Variants in ACSM2B observed in about 807,000 individuals in gnomAD.
ACSM2B encodes acyl-coenzyme A synthetase ACSM2B, mitochondrial.
Under a neutral mutation model 78.6 loss-of-function variants are expected in ACSM2B, and 58 were observed. That is an observed-to-expected ratio of 0.74 (90% CI 0.60 to 0.92). The LOEUF (loss-of-function observed/expected upper bound fraction) is 0.92, where lower values mean the gene tolerates loss of function less well. ACSM2B is among the 40% of genes least tolerant of loss of function. ACSM2B has a pLI of 0.00. For missense variants in ACSM2B, 688 were observed against 711.2 expected, an observed-to-expected ratio of 0.97 and a Z score of 0.37; for synonymous variants, 257 against 256.8, an observed-to-expected ratio of 1.00 and a Z score of -0.01.
chr16:20,561,325 G>C (rs1443504778), intron 2 of ACSM2B, among the ~76,000 whole-genome samples: 1 of 151,404 alleles, frequency 6.6e-6, no homozygotes, highest in East Asian at 2.0e-4. Context: ...CAGGAAGCAT[G>C]GTGCTGGCAT....
intron 1 of ACSM2B, among the ~76,000 whole-genome samples, chr16:20,565,498 T>C (rs1438210412): frequency 3.9e-5 from 6 of 152,166 alleles, no homozygotes; most frequent in Non-Finnish European, 1.5e-5. Context: ...AAAATATGCA[T>C]GACTAAAAGC....
chr16:20,547,603 G>T, intron 8 of ACSM2B: 3 of 998,068 alleles, frequency 3.0e-6, no homozygotes, highest in South Asian at 8.6e-5. Flanking sequence ...GTCAGGAGGT[G>T]CAGTAAAGCC....
intron 1 of ACSM2B, chr16:20,574,634 G>T (rs1343122357): frequency 1.3e-5 from 2 of 150,082 alleles, no homozygotes; most frequent in Non-Finnish European, 2.9e-5. Context: ...TCCATTCAGG[G>T]TCCCTGACTT....
chr16:20,550,209 T>G (rs2015267745), intron 6 of ACSM2B, among the ~76,000 whole-genome samples: 1 of 152,076 alleles, frequency 6.6e-6, no homozygotes, highest in African/African-American at 2.4e-5. Context: ...TCATGAGTTT[T>G]GGGGGGCACA....
intron 1 of ACSM2B, among the ~76,000 whole-genome samples, chr16:20,565,245 G>C (rs2015789515): frequency 6.6e-6 from 1 of 152,122 alleles, no homozygotes. Flanking sequence ...AGTGCATTTA[G>C]GAGGAAGAAT....
At chr16:20,544,225 C>A (rs905650346) in intron 10 of ACSM2B, among the ~76,000 whole-genome samples, 2 of 152,176 alleles carry the variant, frequency 1.3e-5, no homozygotes, top group African/African-American at 4.8e-5. Context: ...CTCAGTTTTC[C>A]TCATCTGTAT....
chr16:20,537,537 G>A (rs895057976), intron 13 of ACSM2B, among the ~76,000 whole-genome samples, 175 bp from the exon 14 acceptor site: 3 of 152,146 alleles, frequency 2.0e-5, no homozygotes, highest in African/African-American at 7.2e-5. Context: ...TAAGAGGATG[G>A]CTAGAATTGG....
At chr16:20,575,037 T>C (rs901485674) in intron 1 of ACSM2B, among the ~76,000 whole-genome samples, 2 of 150,898 alleles carry the variant, frequency 1.3e-5, no homozygotes, top group Non-Finnish European at 2.9e-5. Context: ...GTCAAATGCA[T>C]TTATTTTGTA....
chr16:20,550,403 A>T (rs1161020140), intron 6 of ACSM2B, among the ~76,000 whole-genome samples: 4 of 151,970 alleles, frequency 2.6e-5, no homozygotes, highest in African/African-American at 9.7e-5. Context: ...CATTTGCTAT[A>T]TTTCTCCTTA....
chr16:20,569,863 T>G (rs909010167), intron 1 of ACSM2B, among the ~76,000 whole-genome samples: 18 of 152,032 alleles, frequency 1.2e-4, no homozygotes, highest in African/African-American at 4.3e-4. Context: ...CTCAGCTTGG[T>G]TGCTATTAAA....
At chr16:20,548,019 C>A in intron 8 of ACSM2B, 43 bp downstream of exon 8, 1 of 1,604,578 alleles carries the variant, frequency 6.2e-7, no homozygotes, top group Non-Finnish European at 8.5e-7. Flanking sequence ...ATTTTGAAGC[C>A]CAAAAAGTGC....
intron 3 of ACSM2B, 118 bp from the exon 4 acceptor site, chr16:20,555,594 C>G: frequency 6.6e-7 from 1 of 1,509,142 alleles, no homozygotes; most frequent in Non-Finnish European, 8.8e-7. Context: ...GAAGTAATGA[C>G]CAATGGAGAA....
In ACSM2B at chr16:20,563,220, C is replaced by A. The variant is rs371093278; in HGVS notation, c.177+1449G>T. Among the ~76,000 whole-genome samples the A allele has an allele frequency of 1.2e-3, 176 of 152,244 alleles. 5 individuals are homozygous for A. In the South Asian group the frequency reaches 0.035, roughly 30 times the overall value. On this transcript the variant is annotated intron_variant, in intron 2 of 13. Transcript: ENST00000329697. ...GCAAAAAAGTTATTTCAGTAAAATT[C>A]TCACTTGCATTACTCTTATTATGAG...
intron 10 of ACSM2B, among the ~76,000 whole-genome samples, chr16:20,544,303 G>T (rs1230872702): frequency 6.6e-6 from 1 of 152,154 alleles, no homozygotes; most frequent in Non-Finnish European, 1.5e-5. Flanking sequence ...ACAACTTACA[G>T]ATGAGGAAAC....
At position 20,555,485 on chromosome 16, in the gene ACSM2B, G is replaced by A. The variant is rs368213752; in HGVS notation, c.389-9C>T. The stretch of plus-strand genomic sequence containing the variant: ...AGGCATAAAGATGAGACCTAAAGAA[G>A]CCAACAATTTAGAGAATTGGAAAGG... On this transcript the variant is annotated splice_polypyrimidine_tract_variant and intron_variant, in intron 3 of 13. Coordinates refer to ENST00000329697, the MANE Select transcript of ACSM2B (RefSeq NM_001105069.2). 2 of 1,611,224 alleles carry A rather than the reference G, an allele frequency of 1.2e-6. No individual in the cohort carries two copies. Among genetic ancestry groups the A allele is most frequent in the South Asian group, 1.1e-5 (1 of 90,958 alleles).
intron 1 of ACSM2B, among the ~76,000 whole-genome samples, chr16:20,570,735 C>T (rs1216849405): frequency 6.6e-6 from 1 of 151,398 alleles, no homozygotes; most frequent in Non-Finnish European, 1.5e-5. Context: ...TTTGTATTAC[C>T]ATTTTAATCT....
At chr16:20,538,846 A>G (rs1288417086) in intron 13 of ACSM2B, among the ~76,000 whole-genome samples, 1 of 152,120 alleles carries the variant, frequency 6.6e-6, no homozygotes, top group Non-Finnish European at 1.5e-5. Context: ...AGACTGTGCT[A>G]TGCTGCCTCA....
intron 13 of ACSM2B, among the ~76,000 whole-genome samples, chr16:20,539,904 A>G (rs1401421640): frequency 6.6e-6 from 1 of 152,166 alleles, no homozygotes; most frequent in Non-Finnish European, 1.5e-5. Context: ...GAGACACCTG[A>G]CCACATCCTA....
intron 3 of ACSM2B, 85 bp from the exon 4 acceptor site, chr16:20,555,561 C>T (rs1227726649): frequency 3.2e-6 from 5 of 1,583,996 alleles, no homozygotes; most frequent in Non-Finnish European, 4.3e-6. Flanking sequence ...AAGCAGGGAG[C>T]AAGTGGGGAA....
Sources: allele counts gnomAD v4.1 joint callset (sites outside exome capture counted in the v4.1 genomes callset), GRCh38; gene constraint gnomAD v4.1.1; transcripts MANE v1.5; gene names NCBI Gene and HGNC (gene_info 2026-07-23, HGNC 2026-07-21).